CLSTN1: variants seen among roughly 807,000 people sequenced by gnomAD.
The protein encoded by CLSTN1 is calsyntenin-1.
Under a neutral mutation model 108.3 loss-of-function variants are expected in CLSTN1, and 28 were observed. That is an observed-to-expected ratio of 0.26 (90% CI 0.19 to 0.35). The LOEUF (loss-of-function observed/expected upper bound fraction) is 0.35. Ranked by LOEUF, CLSTN1 falls within the 10% of genes least tolerant of loss-of-function variation. CLSTN1 has a pLI of 1.00. For missense variants in CLSTN1, 1,157 were observed against 1,302.6 expected (o/e 0.89, Z 1.72); for synonymous variants, 524 against 534.9 (o/e 0.98, Z 0.28).
intron 1 of CLSTN1, among the ~76,000 whole-genome samples, chr1:9,792,512 G>A (rs1653814038): frequency 6.6e-6 from 1 of 151,396 alleles, no homozygotes; most frequent in African/African-American, 2.4e-5. Context: ...GAAATAAGGG[G>A]TCTCCCTCAT....
chr1:9,823,498 C>T lies in CLSTN1; in HGVS notation c.91+145G>A. ...CCTGACCCGGCTCCCTGCGCTCGGA[C>T]CCGACTCCCCGCATCCCGGCTCGAA... is the stretch of plus-strand genomic sequence containing the variant. On this transcript the variant is annotated intron_variant, in intron 1 of 18. Transcript: ENST00000377298. This position sits in a 1 kb window ranked among gnomAD's most constrained non-coding sequence, Gnocchi z 6.3. The T allele has an allele frequency of 2.5e-6, 1 of 397,314 alleles. No homozygotes were observed. Among genetic ancestry groups the T allele is most frequent in the Non-Finnish European group, 3.6e-6 (1 of 275,380 alleles). 24.6% of individuals were successfully genotyped at this position (397,314 alleles called of 1,614,324 possible).
intron 1 of CLSTN1, among the ~76,000 whole-genome samples, chr1:9,784,129 GC>G (rs1204074723): frequency 7.1e-6 from 1 of 141,638 alleles, no homozygotes; most frequent in African/African-American, 2.7e-5. Flanking sequence ...CCAAGATTGC[GC>G]CACTGCACTC....
chr1:9,788,246 AC>A (rs1250494601), intron 1 of CLSTN1, among the ~76,000 whole-genome samples: 5 of 151,304 alleles, frequency 3.3e-5, no homozygotes, highest in Non-Finnish European at 5.9e-5. Flanking sequence ...ACAGAGTGAG[AC>A]CCTGTCTCAA....
At chr1:9,762,447 C>A (rs577534102) in intron 2 of CLSTN1, among the ~76,000 whole-genome samples, 21 of 147,220 alleles carry the variant, frequency 1.4e-4, no homozygotes, top group Non-Finnish European at 1.3e-4. Context: ...GGCGACAGAG[C>A]GAGACTCTGT....
intron 1 of CLSTN1, among the ~76,000 whole-genome samples, chr1:9,776,544 C>G (rs773010714): frequency 2.6e-5 from 4 of 152,042 alleles, no homozygotes; most frequent in Non-Finnish European, 4.4e-5. Context: ...AATCCACATA[C>G]ACACAAACTC....
At position 9,823,812 on chromosome 1, in the gene CLSTN1, C is replaced by T; in HGVS notation, c.-79G>A. ...CTCGGAGCTCTCGGGGCTCTAGGGGCCTGGGGCTAGCTGCTCCGCGGCGCG... is the reference window on the plus strand; with the variant it reads ...CTCGGAGCTCTCGGGGCTCTAGGGGTCTGGGGCTAGCTGCTCCGCGGCGCG... On this transcript the variant is annotated 5_prime_UTR_variant, in exon 1 of 19. Coordinates refer to ENST00000377298, the MANE Select transcript of CLSTN1 (RefSeq NM_001009566.3). This position sits in a 1 kb window ranked among gnomAD's most constrained non-coding sequence, Gnocchi z 6.3. 2.8e-6 allele frequency: 2 copies of T among 705,336 alleles called. No homozygotes were observed. Among genetic ancestry groups the T allele is most frequent in the Non-Finnish European group, 3.5e-6 (2 of 567,660 alleles). 43.7% of individuals were successfully genotyped at this position (705,336 alleles called of 1,614,324 possible).
At chr1:9,802,980 A>G (rs1355429945) in intron 1 of CLSTN1, among the ~76,000 whole-genome samples, 1 of 151,886 alleles carries the variant, frequency 6.6e-6, no homozygotes, top group Non-Finnish European at 1.5e-5. Context: ...ACCTGCCACC[A>G]CACTTAGGTA....
chr1:9,812,054 T>C (rs1464836518), intron 1 of CLSTN1, among the ~76,000 whole-genome samples: 1 of 152,092 alleles, frequency 6.6e-6, no homozygotes, highest in Non-Finnish European at 1.5e-5. Context: ...GGTGAATACC[T>C]TGAACCCAGG....
chr1:9,783,788 T>A (rs1474567920), intron 1 of CLSTN1, among the ~76,000 whole-genome samples: 1 of 151,936 alleles, frequency 6.6e-6, no homozygotes. Flanking sequence ...AGGTCAGGAG[T>A]TCGAGACCAG....
rs768766504 is a variant in CLSTN1, at chr1:9,735,951, G to A, written c.1668C>T (p.Asp556=). The change falls in exon 12 of 19, where the codon GAC becomes GAT. Residue 556 remains aspartate (D), a synonymous_variant. Transcript: ENST00000377298. The stretch of plus-strand genomic sequence containing the variant: ...GCCCCTCCTTGCAGGTATACAGACA[G>A]TCGATCACCTTCTTATCCGCGAGTT... ...SGKLADKKVI[D]CLYTCKEGLD... is the part of the protein sequence containing the mutation. 8 of 1,614,198 alleles carry A rather than the reference G, an allele frequency of 5.0e-6. No homozygotes were observed. The highest frequency in any genetic ancestry group is 1.3e-5 in the African/African-American group (1 of 75,054).
At chr1:9,786,695 A>G (rs1311828090) in intron 1 of CLSTN1, among the ~76,000 whole-genome samples, 1 of 149,274 alleles carries the variant, frequency 6.7e-6, no homozygotes, top group African/African-American at 2.5e-5. Context: ...GCTGTTTGCA[A>G]GCTCTGCACA....
rs146428342 is a variant in CLSTN1, at chr1:9,734,574, C to CAAAAA, written c.2110+369_2110+373dup. 2.8e-4 allele frequency among the ~76,000 whole-genome samples: 29 copies of CAAAAA among 102,028 alleles called. 1 individual carries two copies. The East Asian group carries it at 8.6e-3, about 30-fold the overall frequency. The allele number at this position is 102,028 out of a possible 152,430, so 66.9% of individuals were successfully genotyped here. ...TGGGCGACAGAGTGAGACTCCATCT[C>CAAAAA]AAAAAAAAAAAAAAAGGGGGGGAGT... On this transcript the variant is annotated intron_variant, in intron 14 of 18. Coordinates refer to ENST00000377298, the MANE Select transcript of CLSTN1 (RefSeq NM_001009566.3). This position sits in a 1 kb window ranked among gnomAD's most constrained non-coding sequence, Gnocchi z 4.8.
chr1:9,762,161 C>T (rs1334834359), intron 2 of CLSTN1, among the ~76,000 whole-genome samples: 2 of 152,118 alleles, frequency 1.3e-5, no homozygotes, highest in Non-Finnish European at 2.9e-5. Context: ...GATCACGGGG[C>T]TGTAAAGAAG....
chr1:9,808,808 C>G (rs1654613221), intron 1 of CLSTN1, among the ~76,000 whole-genome samples: 2 of 152,066 alleles, frequency 1.3e-5, no homozygotes, highest in Admixed American at 6.6e-5. Flanking sequence ...CTCTCTGCAC[C>G]AGCTTGCCCC....
In CLSTN1 at chr1:9,735,159, G is replaced by A; in HGVS notation, c.1899C>T (p.Ala633=). The change falls in exon 14 of 19, where the codon GCC becomes GCT. Residue 633 remains alanine, a synonymous_variant. Coordinates refer to ENST00000377298, the MANE Select transcript of CLSTN1 (RefSeq NM_001009566.3). ...CTACCGGGGGGACCGAAATGCAGGT[G>A]GCCTCGTTAAAACACCTGCCAGCAA... ...ITSTIKCFNE[A]TCISVPPVDG... The A allele has an allele frequency of 6.2e-7, 1 of 1,614,200 alleles. No individual in the cohort carries two copies. The highest frequency in any genetic ancestry group is 8.5e-7 in the Non-Finnish European group (1 of 1,180,032).
intron 1 of CLSTN1, among the ~76,000 whole-genome samples, chr1:9,779,615 T>A (rs182981899): frequency 5.9e-5 from 9 of 152,212 alleles, no homozygotes; most frequent in Non-Finnish European, 1.2e-4. Context: ...TTAGTTGAGA[T>A]GAAGTCTTGC....
chr1:9,777,186 C>T (rs1652994242), intron 1 of CLSTN1, among the ~76,000 whole-genome samples: 1 of 147,218 alleles, frequency 6.8e-6, no homozygotes. Context: ...TACCACTGCA[C>T]TCCAGCCTGG....
rs761575947 is a variant in CLSTN1, at chr1:9,751,655, T to C, written c.467A>G (p.Asp156Gly). 4 of 1,614,166 alleles carry C rather than the reference T, an allele frequency of 2.5e-6. No homozygotes were observed. Among genetic ancestry groups the C allele is most frequent in the East Asian group, 4.5e-5 (2 of 44,874 alleles). The change falls in exon 5 of 19, where the codon GAC becomes GGC. Residue 156 changes from aspartate to glycine, a missense_variant. Coordinates refer to ENST00000377298, the MANE Select transcript of CLSTN1 (RefSeq NM_001009566.3). ...GAACACGGGCGCGTACTCATTCACGTCGTTCACCTGAATATGAACAGTTGC... is the reference window on the plus strand; with the variant it reads ...GAACACGGGCGCGTACTCATTCACGCCGTTCACCTGAATATGAACAGTTGC... The part of the protein sequence containing the change: ...HKATVHIQVN[D>G]VNEYAPVFKE...
chr1:9,731,048 A>T, intron 18 of CLSTN1, 158 bp downstream of exon 18: 1 of 825,652 alleles, frequency 1.2e-6, no homozygotes, highest in East Asian at 2.6e-5. Flanking sequence ...GGTCTCTCTC[A>T]GCCTCGGTTT....
Sources: gnomAD v4.1 joint callset for allele counts (sites outside exome capture counted in the v4.1 genomes callset) on GRCh38, gnomAD v4.1.1 for gene constraint, Gnocchi (gnomAD v3.1) non-coding constraint, MANE v1.5 for transcripts, NCBI Gene and HGNC (gene_info 2026-07-23, HGNC 2026-07-21) for gene names.